Variants in CFAP47 observed in about 807,000 individuals in gnomAD.
CFAP47 encodes cilia and flagella associated protein 47.
Under a neutral mutation model 148.1 loss-of-function variants are expected in CFAP47, and 29 were observed. That is an observed-to-expected ratio of 0.20 (90% CI 0.15 to 0.27). The LOEUF (loss-of-function observed/expected upper bound fraction) is 0.27. CFAP47 is among the 10% of genes least tolerant of loss of function. The probability of loss-of-function intolerance (pLI) is 1.00; values close to 1 mark genes in which losing one functional copy is unlikely to be tolerated. For missense variants in CFAP47, 1,872 were observed against 1,697.5 expected, an observed-to-expected ratio of 1.10 and a Z score of -1.81; for synonymous variants, 664 against 577.3, an observed-to-expected ratio of 1.15 and a Z score of -2.15.
At chrX:36,148,986 A>G (rs1036388722) in intron 36 of CFAP47, 122 bp from the exon 37 acceptor site, 8 of 234,396 alleles carry the variant, frequency 3.4e-5, no homozygotes, top group Admixed American at 2.2e-4. Flanking sequence ...GTTGGTGTTC[A>G]TTATAAATAA....
chrX:36,168,573 AT>A (rs200474258), intron 39 of CFAP47, among the ~76,000 whole-genome samples: 5 of 108,987 alleles, frequency 4.6e-5, no homozygotes, highest in African/African-American at 1.3e-4. Flanking sequence ...TTTTACGCTT[AT>A]TTTTTTTTGT....
chrX:36,008,403 G>T (rs1459662392), intron 21 of CFAP47, among the ~76,000 whole-genome samples: 2 of 110,838 alleles, frequency 1.8e-5, no homozygotes, highest in Admixed American at 1.9e-4. Flanking sequence ...TCTTGCTGTG[G>T]GTCTAGAAGT....
intron 42 of CFAP47, among the ~76,000 whole-genome samples, 168 bp from the exon 43 acceptor site, chrX:36,200,211 T>G (rs1555987855): frequency 8.9e-6 from 1 of 112,240 alleles, no homozygotes; most frequent in Non-Finnish European, 1.9e-5. Flanking sequence ...CATACTATGG[T>G]TGAACTATAT....
chrX:36,118,748 A>G (rs1938687329), intron 33 of CFAP47, among the ~76,000 whole-genome samples: 1 of 112,026 alleles, frequency 8.9e-6, no homozygotes, highest in Admixed American at 9.5e-5. Context: ...TGCTGGGATT[A>G]CAGGTGTGAG....
chrX:36,242,024 CATT>C (rs1555996114), intron 48 of CFAP47, among the ~76,000 whole-genome samples: 1 of 111,884 alleles, frequency 8.9e-6, no homozygotes, highest in Non-Finnish European at 1.9e-5. Context: ...ATCTACCAGT[CATT>C]ATTCTTAAGC....
intron 62 of CFAP47, among the ~76,000 whole-genome samples, chrX:36,370,733 GA>G (rs1556021194): frequency 9.1e-6 from 1 of 110,265 alleles, no homozygotes; most frequent in Non-Finnish European, 1.9e-5. Context: ...GGGCGTATAT[GA>G]AAAAAAATAG....
intron 27 of CFAP47, among the ~76,000 whole-genome samples, chrX:36,066,397 G>A (rs1937641206): frequency 9.0e-6 from 1 of 111,290 alleles, no homozygotes; most frequent in South Asian, 3.8e-4. Flanking sequence ...TTACAACTCT[G>A]ATGAAACATA....
At position 36,046,815 on chromosome X, in the gene CFAP47, T is replaced by C. The variant is rs369424949; in HGVS notation, c.4008-39T>C. 165 of 901,955 alleles carry C rather than the reference T, an allele frequency of 1.8e-4. 3 individuals are homozygous for C. The South Asian group carries it at 4.3e-3, about 24-fold the overall frequency. 74.3% of individuals were successfully genotyped at this position (901,955 alleles called of 1,213,427 possible). ...ACATTTAAAGCCAATGACTGGCAGGTATTTTGAGCTAATGAAACATTTTTT... is the reference window on the plus strand; with the variant it reads ...ACATTTAAAGCCAATGACTGGCAGGCATTTTGAGCTAATGAAACATTTTTT... On this transcript the variant is annotated intron_variant, in intron 25 of 63. Coordinates refer to ENST00000378653, the MANE Select transcript of CFAP47 (RefSeq NM_001304548.2).
intron 39 of CFAP47, among the ~76,000 whole-genome samples, chrX:36,169,346 T>A (rs1254327112): frequency 9.0e-6 from 1 of 110,795 alleles, no homozygotes; most frequent in African/African-American, 3.3e-5. Context: ...TCTTTATTTT[T>A]AAAATGTTTT....
At chrX:36,213,379 G>A (rs1339224573) in intron 45 of CFAP47, among the ~76,000 whole-genome samples, 4 of 111,205 alleles carry the variant, frequency 3.6e-5, no homozygotes, top group African/African-American at 1.3e-4. Flanking sequence ...TACATCAGTG[G>A]TACCTGGGTA....
intron 1 of CFAP47, among the ~76,000 whole-genome samples, chrX:35,923,884 CAT>C (rs201874824): frequency 6.6e-4 from 48 of 72,268 alleles, no homozygotes; most frequent in South Asian, 5.4e-3. Flanking sequence ...TATATATGTA[CAT>C]ATATATGTGT....
At chrX:36,173,566 T>C (rs1019329114) in intron 39 of CFAP47, among the ~76,000 whole-genome samples, 8 of 111,865 alleles carry the variant, frequency 7.2e-5, no homozygotes, top group Non-Finnish European at 1.5e-4. Flanking sequence ...TACTCAGTAG[T>C]CATTCAGGAG....
chrX:36,279,645 G>C (rs1487773206), intron 49 of CFAP47, among the ~76,000 whole-genome samples: 4 of 111,660 alleles, frequency 3.6e-5, no homozygotes, highest in African/African-American at 1.3e-4. Flanking sequence ...ACTTATATAG[G>C]TCAACTTTAG....
At chrX:35,989,818 T>A in intron 16 of CFAP47, 1 of 204,223 alleles carries the variant, frequency 4.9e-6, no homozygotes, top group Non-Finnish European at 8.9e-6. Context: ...TCCCACTCAA[T>A]GTTCTTAGAA....
intron 33 of CFAP47, among the ~76,000 whole-genome samples, chrX:36,108,443 A>G (rs909032536): frequency 9.0e-6 from 1 of 111,586 alleles, no homozygotes; most frequent in South Asian, 3.7e-4. Flanking sequence ...TCCTTCTTAC[A>G]TCTAATTAAT....
chrX:36,002,944 A>G (rs6629028), intron 21 of CFAP47, among the ~76,000 whole-genome samples: 10,910 of 111,037 alleles, frequency 0.098, 522 homozygotes, highest in East Asian at 0.3. Context: ...TTAGAAAATG[A>G]TAAAGATTAA....
chrX:36,111,251 C>T (rs984112296), intron 33 of CFAP47, among the ~76,000 whole-genome samples: 1 of 111,440 alleles, frequency 9.0e-6, no homozygotes, highest in African/African-American at 3.3e-5. Flanking sequence ...ATATAGAGAG[C>T]TCTTACTATT....
Position 36,379,089 on chromosome X carries a change from G to A in CFAP47, c.9186-261G>A, listed in dbSNP as rs191245802. On this transcript the variant is annotated intron_variant, in intron 62 of 63. Transcript: ENST00000378653. Reference sequence around the variant, plus strand: ...GGCCTCCCAAAGTGCTGGGATTATAGGCGTGAGCCACCACGCCCAGCCTCT... The same window carrying A: ...GGCCTCCCAAAGTGCTGGGATTATAAGCGTGAGCCACCACGCCCAGCCTCT... 4.5e-3 allele frequency among the ~76,000 whole-genome samples: 493 copies of A among 110,083 alleles called. 3 individuals carry two copies. Among genetic ancestry groups the A allele is most frequent in the African/African-American group, 0.016 (464 of 29,313 alleles).
intron 2 of CFAP47, 41 bp from the exon 3 acceptor site, chrX:35,941,242 A>T (rs1197576064): frequency 2.7e-6 from 2 of 733,282 alleles, no homozygotes; most frequent in East Asian, 3.5e-5. Flanking sequence ...GGCTCTTATG[A>T]TTGTTAAATT....
Sources: gnomAD v4.1 joint callset for allele counts (sites outside exome capture counted in the v4.1 genomes callset) on GRCh38, gnomAD v4.1.1 for gene constraint, MANE v1.5 for transcripts, NCBI Gene and HGNC (gene_info 2026-07-23, HGNC 2026-07-21) for gene names.